The following HERC2 variants were observed in gnomAD, a reference collection of about 807,000 sequenced individuals.
HERC2 encodes HECT and RLD domain containing E3 ubiquitin protein ligase 2, also known as E3 ubiquitin-protein ligase HERC2.
Under a neutral mutation model 537.7 loss-of-function variants are expected in HERC2, and 102 were observed. The ratio of observed to expected loss-of-function variants is 0.19; its 90% CI spans 0.16 to 0.22. HERC2 has a LOEUF of 0.22. HERC2 is among the 10% of genes least tolerant of loss of function. The pLI, the probability that HERC2 is intolerant of heterozygous loss-of-function variation, is 1.00. For synonymous variants in HERC2, 2,224 were observed against 2,466.2 expected, an observed-to-expected ratio of 0.90 and a Z score of 2.91; for missense variants, 4,236 against 6,198.2, an observed-to-expected ratio of 0.68 and a Z score of 10.63.
chr15:28,181,948 CTTGT>C (rs777929893), intron 57 of HERC2, among the ~76,000 whole-genome samples: 2 of 152,154 alleles, frequency 1.3e-5, no homozygotes, highest in East Asian at 3.9e-4. Context: ...GTGCATTCTG[CTTGT>C]TTCTCTGTGC....
chr15:28,313,832 C>T (rs1016333696), intron 2 of HERC2, among the ~76,000 whole-genome samples: 3 of 152,006 alleles, frequency 2.0e-5, no homozygotes, highest in African/African-American at 7.2e-5. Flanking sequence ...CTGAGACCCA[C>T]GAGAGGAAGA....
intron 4 of HERC2, among the ~76,000 whole-genome samples, chr15:28,281,867 A>C (rs1385860172): frequency 6.6e-6 from 1 of 151,762 alleles, no homozygotes; most frequent in African/African-American, 2.4e-5. Flanking sequence ...GAGTCACTGC[A>C]TTTGCCGCTT....
chr15:28,199,822 G>C (rs538057040), intron 48 of HERC2, among the ~76,000 whole-genome samples: 1 of 152,270 alleles, frequency 6.6e-6, no homozygotes, highest in South Asian at 2.1e-4. Context: ...TTGTATTGGA[G>C]AAACAGGGAG....
intron 14 of HERC2, among the ~76,000 whole-genome samples, chr15:28,264,981 G>C (rs1345015795): frequency 6.6e-6 from 1 of 152,092 alleles, no homozygotes; most frequent in Non-Finnish European, 1.5e-5. Flanking sequence ...ATGCCCAAAA[G>C]TCACTCAATT....
chr15:28,138,695 A>G (rs1046100122), intron 78 of HERC2, among the ~76,000 whole-genome samples: 7 of 152,104 alleles, frequency 4.6e-5, no homozygotes, highest in African/African-American at 1.7e-4. Context: ...CATGCCGGCT[A>G]ACACATCATT....
Position 28,274,892 on chromosome 15 carries a change from C to T in HERC2, c.643+13G>A. The T allele has an allele frequency of 1.2e-6, 2 of 1,602,418 alleles. No individual in the cohort carries two copies. Among genetic ancestry groups the T allele is most frequent in the Non-Finnish European group, 1.7e-6 (2 of 1,171,682 alleles). On this transcript the variant is annotated intron_variant, in intron 6 of 92. Transcript: ENST00000261609. ...TAGGGAAGCAGAACAACGCGCCACA[C>T]CAGGGACCGTACCTGATCGCCAGGC...
At chr15:28,223,196 A>G (rs111491764) in intron 35 of HERC2, among the ~76,000 whole-genome samples, 324 of 152,176 alleles carry the variant, frequency 2.1e-3, no homozygotes, top group African/African-American at 7.4e-3. Context: ...AAACTTCCCA[A>G]TGGATTTGAA....
At chr15:28,313,327 G>A (rs1234760468) in intron 2 of HERC2, among the ~76,000 whole-genome samples, 7 of 152,174 alleles carry the variant, frequency 4.6e-5, no homozygotes, top group South Asian at 4.1e-4. Flanking sequence ...ACAGGCGCAC[G>A]CCACCACGCC....
At position 28,141,624 on chromosome 15, in the gene HERC2, T is replaced by C; in HGVS notation, c.11823A>G (p.Pro3941=). The change falls in exon 78 of 93, where the codon CCA becomes CCG. Residue 3941 remains proline, a synonymous_variant. Transcript: ENST00000261609. Reference sequence around the variant, plus strand: ...CACCAGCAGAGAGAGTCCAGTCATCTGGTCGCCTACAATACACATCAAGTG... The same window carrying C: ...CACCAGCAGAGAGAGTCCAGTCATCCGGTCGCCTACAATACACATCAAGTG... The part of the protein sequence containing the change: ...EQLVQWMNRR[P]DDWTLSAGGS... 6.8e-6 allele frequency: 11 copies of C among 1,614,242 alleles called. No individual in the cohort carries two copies. Among genetic ancestry groups the C allele is most frequent in the Non-Finnish European group, 7.6e-6 (9 of 1,180,040 alleles).
In HERC2 at chr15:28,113,098, G is replaced by A. The variant is rs1410529044; in HGVS notation, c.14205C>T (p.Asp4735=). 2 of 1,613,612 alleles carry A rather than the reference G, an allele frequency of 1.2e-6. No individual in the cohort carries two copies. The highest frequency in any genetic ancestry group is 2.2e-5 in the South Asian group (2 of 91,084). ...GRTRLPRTIA[D]FRGRDFVIQV... Reference sequence around the variant, plus strand: ...GGATGACGAAGTCTCGGCCCCGGAAGTCGGCGATGGTCCTGGGCAGCCTCG... The same window carrying A: ...GGATGACGAAGTCTCGGCCCCGGAAATCGGCGATGGTCCTGGGCAGCCTCG... Residue 4735 remains aspartate, a synonymous_variant, in exon 92 of 93, where the codon GAC becomes GAT. Coordinates refer to ENST00000261609, the MANE Select transcript of HERC2 (RefSeq NM_004667.6). The surrounding 1 kb of genome is among the most constrained non-coding windows in gnomAD (Gnocchi z 7.0).
chr15:28,143,921 A>C lies in HERC2; in HGVS notation c.11370T>G (p.Ile3790Met), dbSNP rs765118561. The C allele has an allele frequency of 1.2e-6, 2 of 1,614,092 alleles. No homozygotes were observed. Among genetic ancestry groups the C allele is most frequent in the Non-Finnish European group, 8.5e-7 (1 of 1,180,002 alleles). ...KLLTTEFGQS[I>M]NINRLLGEND... ...TTTCTCCAAGCAGCCTATTTATGTTAATTGACTGCCCAAATTCAGTTGTAA... is the reference window on the plus strand; with the variant it reads ...TTTCTCCAAGCAGCCTATTTATGTTCATTGACTGCCCAAATTCAGTTGTAA... The change falls in exon 74 of 93, where the codon ATT (isoleucine) becomes ATG (methionine). Residue 3790 changes from isoleucine to methionine, a missense_variant. This residue lies in a region of HERC2 where 109 missense variants were observed against 133.5 expected (regional missense o/e 0.82). Coordinates refer to ENST00000261609, the MANE Select transcript of HERC2 (RefSeq NM_004667.6).
chr15:28,201,610 C>T (rs1275010911), intron 47 of HERC2, 56 bp from the exon 48 acceptor site: 2 of 1,065,166 alleles, frequency 1.9e-6, no homozygotes, highest in Non-Finnish European at 2.9e-6. Flanking sequence ...TAAACCTACT[C>T]AAAAAGAAAT....
In HERC2 at chr15:28,263,076, T is replaced by C. The variant is rs2075457071; in HGVS notation, c.1964A>G (p.Gln655Arg). 6.2e-7 allele frequency: 1 copy of C among 1,614,042 alleles called. No individual in the cohort carries two copies. The change falls in exon 15 of 93, where the codon CAA (glutamine) becomes CGA (arginine). Residue 655 changes from glutamine to arginine, a missense_variant. Transcript: ENST00000261609. ...CKTPKLIEKLQDLDVVKVRCG... is the reference protein window; with the variant it reads ...CKTPKLIEKLRDLDVVKVRCG... ...GCGGACTTTGACCACATCCAAGTCT[T>C]GAAGCTTTTCAATCAGCTTTGGGGT...
intron 36 of HERC2, among the ~76,000 whole-genome samples, chr15:28,221,019 C>T (rs1172273758): frequency 6.8e-6 from 1 of 147,978 alleles, no homozygotes; most frequent in African/African-American, 2.5e-5. Context: ...CTGCCCTGGT[C>T]CTTCCATGGC....
Position 28,176,940 on chromosome 15 carries a change from G to A in HERC2, c.9432+10C>T, listed in dbSNP as rs74825242. ...AGCTTTCTGCAAGCAACAAAAATGCGTATAATCACCATTTTGGGCTTTAGC... is the reference window on the plus strand; with the variant it reads ...AGCTTTCTGCAAGCAACAAAAATGCATATAATCACCATTTTGGGCTTTAGC... On this transcript the variant is annotated intron_variant, in intron 61 of 92. Transcript: ENST00000261609. This position sits in a 1 kb window ranked among gnomAD's most constrained non-coding sequence, Gnocchi z 5.0. The A allele has an allele frequency of 5.4e-4, 860 of 1,606,366 alleles. 3 individuals carry two copies. The highest frequency in any genetic ancestry group is 6.3e-4 in the Non-Finnish European group (739 of 1,174,500).
chr15:28,178,001 C>A (rs1895457832), intron 59 of HERC2, among the ~76,000 whole-genome samples: 2 of 152,204 alleles, frequency 1.3e-5, no homozygotes, highest in African/African-American at 4.8e-5. Flanking sequence ...GTCCATACAA[C>A]CTGCCTCAGG....
intron 52 of HERC2, among the ~76,000 whole-genome samples, chr15:28,192,784 G>A (rs1381599275): frequency 2.0e-5 from 3 of 152,172 alleles, no homozygotes; most frequent in Non-Finnish European, 4.4e-5. Flanking sequence ...ATAGCATTTT[G>A]ACAGCCTCGT....
chr15:28,129,625 G>A (rs1378463025), intron 83 of HERC2, among the ~76,000 whole-genome samples: 1 of 152,204 alleles, frequency 6.6e-6, no homozygotes. Flanking sequence ...CTAAGGACAC[G>A]TCTCAGGCTG....
At chr15:28,251,447 GA>G (rs553500786) in intron 20 of HERC2, among the ~76,000 whole-genome samples, 2 of 145,956 alleles carry the variant, frequency 1.4e-5, no homozygotes, top group Non-Finnish European at 3.0e-5. Flanking sequence ...CATCTCGGGG[GA>G]AAAAAATTGT....
Sources: gnomAD v4.1 joint callset for allele counts (sites outside exome capture counted in the v4.1 genomes callset) on GRCh38, gnomAD v4.1.1 for gene constraint, gnomAD v4.1.1 regional missense constraint, Gnocchi (gnomAD v3.1) non-coding constraint, MANE v1.5 for transcripts, NCBI Gene and HGNC (gene_info 2026-07-23, HGNC 2026-07-21) for gene names.